Variants in CCDC171 observed in about 807,000 individuals in gnomAD.
CCDC171 encodes coiled-coil domain-containing protein 171.
In CCDC171, 177 loss-of-function variants were observed where a neutral mutation model predicts 168.2. The observed-to-expected ratio is 1.05, with a 90% confidence interval of 0.93 to 1.19. The LOEUF is 1.19. Among genes scored for constraint, CCDC171 ranks in the 50% most tolerant of loss-of-function variants. The probability of loss-of-function intolerance (pLI) is 0.00; values close to 1 mark genes in which losing one functional copy is unlikely to be tolerated. For missense variants in CCDC171, 1,991 were observed against 1,539.0 expected (o/e 1.29, Z -4.91); for synonymous variants, 687 against 540.8 (o/e 1.27, Z -3.75).
chr9:15,658,789 C>G (rs1411438290), intron 8 of CCDC171, among the ~76,000 whole-genome samples: 1 of 152,126 alleles, frequency 6.6e-6, no homozygotes, highest in Non-Finnish European at 1.5e-5. Context: ...TGGAGTCTTG[C>G]TGACACGTGA....
chr9:15,799,937 T>C (rs1349735455), intron 21 of CCDC171, among the ~76,000 whole-genome samples: 1 of 152,154 alleles, frequency 6.6e-6, no homozygotes, highest in African/African-American at 2.4e-5. Context: ...ATCTATGTTG[T>C]TGCAAATGAC....
At chr9:15,695,033 C>A (rs1157412947) in intron 10 of CCDC171, among the ~76,000 whole-genome samples, 1 of 152,106 alleles carries the variant, frequency 6.6e-6, no homozygotes, top group African/African-American at 2.4e-5. Context: ...GCACTAACTC[C>A]TCAGTAAATT....
At chr9:15,906,192 A>C (rs1272562911) in intron 24 of CCDC171, among the ~76,000 whole-genome samples, 5 of 152,208 alleles carry the variant, frequency 3.3e-5, no homozygotes, top group Non-Finnish European at 7.3e-5. Flanking sequence ...CATCATCCTG[A>C]TACCAAAGCC....
At chr9:16,070,612 G>A in the CCDC171 span, among the ~76,000 whole-genome samples, 1 of 152,194 alleles carries the variant, frequency 6.6e-6, no homozygotes, top group Admixed American at 6.5e-5. Flanking sequence ...AGGGATGGGT[G>A]TGACTGTCTT....
At chr9:15,617,889 A>G (rs1283566797) in intron 6 of CCDC171, among the ~76,000 whole-genome samples, 1 of 152,196 alleles carries the variant, frequency 6.6e-6, no homozygotes, top group Non-Finnish European at 1.5e-5. Context: ...GCTTTGTCCC[A>G]GAGGGGCAGC....
chr9:15,889,645 C>G (rs1260465663), intron 24 of CCDC171, among the ~76,000 whole-genome samples: 1 of 152,188 alleles, frequency 6.6e-6, no homozygotes. Flanking sequence ...TCACTCCATG[C>G]CAGTAGGAAT....
At chr9:15,563,854 T>C (rs1195244290) in intron 1 of CCDC171, 124 bp from the exon 2 acceptor site, 2 of 439,846 alleles carry the variant, frequency 4.5e-6, no homozygotes, top group South Asian at 5.5e-5. Flanking sequence ...GGTCTAGATA[T>C]CTCTATACAC....
the CCDC171 span, among the ~76,000 whole-genome samples, chr9:16,079,891 C>T: frequency 6.6e-6 from 1 of 152,226 alleles, no homozygotes; most frequent in African/African-American, 2.4e-5. Context: ...TAGAAAGTAG[C>T]AGCTCATAGT....
In CCDC171 at chr9:15,729,599, T is replaced by C; in HGVS notation, c.1861-11T>C. 1 of 1,584,038 alleles carries C rather than the reference T, an allele frequency of 6.3e-7. No homozygotes were observed. Among genetic ancestry groups the C allele is most frequent in the South Asian group, 1.2e-5 (1 of 86,230 alleles). ...AGCATATTTCCTTCTCTGTTGCATC[T>C]CCCCGTATAGATAAGGCATCTAGAG... is the stretch of plus-strand genomic sequence containing the variant. On this transcript the variant is annotated splice_polypyrimidine_tract_variant and intron_variant, in intron 15 of 25. Coordinates refer to ENST00000380701, the MANE Select transcript of CCDC171 (RefSeq NM_173550.4).
intron 21 of CCDC171, among the ~76,000 whole-genome samples, chr9:15,792,176 G>A (rs2058304219): frequency 6.6e-6 from 1 of 152,202 alleles, no homozygotes; most frequent in South Asian, 2.1e-4. Flanking sequence ...CGTGATGAAT[G>A]CACAAGCTTC....
chr9:16,002,852 G>A (rs1420232427), intron 3 of CCDC171, among the ~76,000 whole-genome samples: 3 of 152,272 alleles, frequency 2.0e-5, no homozygotes, highest in Non-Finnish European at 4.4e-5. Flanking sequence ...AAATACTGCT[G>A]TGTTACAACT....
At chr9:15,712,718 C>A (rs1048301932) in intron 11 of CCDC171, among the ~76,000 whole-genome samples, 1 of 152,082 alleles carries the variant, frequency 6.6e-6, no homozygotes, top group African/African-American at 2.4e-5. Flanking sequence ...TCTCATCCTC[C>A]CAGAGGATGG....
chr9:16,023,554 A>T (rs904435532), intron 6 of CCDC171, among the ~76,000 whole-genome samples: 2 of 152,200 alleles, frequency 1.3e-5, no homozygotes, highest in African/African-American at 4.8e-5. Flanking sequence ...GGAATAACTT[A>T]GGTTGGAGAT....
rs558808727 is a variant in CCDC171 at position 15,806,771 on chromosome 9, A to G, written c.3267+22077A>G. ...CTTGAATTTGACTCTTGGCCTCTAT[A>G]TAGCAAGTTTGGGGACATTTTCATT... On this transcript the variant is annotated intron_variant, in intron 21 of 25. Transcript: ENST00000380701. Among the ~76,000 whole-genome samples, 7 of 152,200 alleles carry G rather than the reference A, an allele frequency of 4.6e-5. No individual in the cohort carries two copies. In the East Asian group the frequency reaches 1.4e-3, roughly 29 times the overall value.
In CCDC171 at chr9:15,784,590, C is replaced by T. The variant is rs1391854322; in HGVS notation, c.3163C>T (p.Leu1055=). The change falls in exon 21 of 26, where the codon CTA becomes TTA. Residue 1055 remains leucine (L), a synonymous_variant. Transcript: ENST00000380701. ...ACTTCGGGAAGAGCAGGCACAAATG[C>T]TATTGAATGAACAGGCACAACAACT... ...ALLREEQAQM[L]LNEQAQQLQE... is the part of the protein sequence containing the mutation. 3 of 1,612,836 alleles carry T rather than the reference C, an allele frequency of 1.9e-6. No individual in the cohort carries two copies. Among genetic ancestry groups the T allele is most frequent in the Admixed American group, 1.7e-5 (1 of 59,954 alleles).
intron 12 of CCDC171, among the ~76,000 whole-genome samples, chr9:15,722,785 A>G (rs1476782342): frequency 6.6e-6 from 1 of 152,184 alleles, no homozygotes; most frequent in Non-Finnish European, 1.5e-5. Flanking sequence ...ACCCTCGGTA[A>G]TTGTTCAAAA....
intron 18 of CCDC171, among the ~76,000 whole-genome samples, chr9:15,775,953 G>A (rs2057300808): frequency 2.0e-5 from 3 of 151,952 alleles, no homozygotes; most frequent in Admixed American, 2.0e-4. Context: ...GGAGAAACAG[G>A]GAATACATAT....
the CCDC171 span, among the ~76,000 whole-genome samples, chr9:16,106,754 C>G: frequency 3.4e-4 from 52 of 152,266 alleles, no homozygotes; most frequent in Non-Finnish European, 6.8e-4. Context: ...GTAAAATATG[C>G]TAAACAATAA....
intron 3 of CCDC171, among the ~76,000 whole-genome samples, chr9:16,018,234 A>G (rs973372088): frequency 2.0e-5 from 3 of 152,200 alleles, no homozygotes; most frequent in Admixed American, 6.5e-5. Context: ...TTGTAAAAGA[A>G]GCTACCAGAG....
Sources: gnomAD v4.1 joint callset for allele counts (sites outside exome capture counted in the v4.1 genomes callset) on GRCh38, gnomAD v4.1.1 for gene constraint, MANE v1.5 for transcripts, NCBI Gene and HGNC (gene_info 2026-07-23, HGNC 2026-07-21) for gene names.